The following CCDC171 variants were observed in gnomAD, a reference collection of about 807,000 sequenced individuals.
The protein encoded by CCDC171 is coiled-coil domain-containing protein 171.
A neutral mutation model predicts 168.2 loss-of-function variants in CCDC171; 177 were observed. The observed-to-expected ratio is 1.05, with a 90% CI of 0.93 to 1.19. The LOEUF is 1.19. Ranked by LOEUF, CCDC171 falls within the 50% of genes most tolerant of loss-of-function variation. The pLI, the probability that CCDC171 is intolerant of heterozygous loss-of-function variation, is 0.00. For synonymous variants in CCDC171, 687 were observed against 540.8 expected (o/e 1.27, Z -3.75); for missense variants, 1,991 against 1,539.0 (o/e 1.29, Z -4.91).
At chr9:15,657,055 G>C in intron 7 of CCDC171, 72 bp from the exon 8 acceptor site, 1 of 748,036 alleles carries the variant, frequency 1.3e-6, no homozygotes, top group Non-Finnish European at 2.1e-6. Flanking sequence ...TAATTATAAT[G>C]CTGGACTGTA....
chr9:15,621,911 A>C (rs1044810460), intron 6 of CCDC171, among the ~76,000 whole-genome samples: 1 of 152,240 alleles, frequency 6.6e-6, no homozygotes, highest in African/African-American at 2.4e-5. Context: ...CTAGATAAAG[A>C]AAATGTGATA....
intron 7 of CCDC171, among the ~76,000 whole-genome samples, chr9:15,656,155 T>TA (rs1355318648): frequency 6.6e-6 from 1 of 151,912 alleles, no homozygotes; most frequent in Non-Finnish European, 1.5e-5. Context: ...CCGTCTCTAC[T>TA]AAAAATATAA....
At chr9:15,651,970 T>C (rs1251110793) in intron 7 of CCDC171, among the ~76,000 whole-genome samples, 3 of 152,116 alleles carry the variant, frequency 2.0e-5, no homozygotes, top group Non-Finnish European at 4.4e-5. Context: ...TGCAGTGGCA[T>C]GATCTCAGCT....
At chr9:15,672,736 C>T (rs61608504) in intron 9 of CCDC171, among the ~76,000 whole-genome samples, 3,223 of 152,194 alleles carry the variant, frequency 0.021, 115 homozygotes, top group African/African-American at 0.074. Context: ...CAGTACCATG[C>T]TGTTTTGGTT....
At chr9:15,749,821 C>A (rs1588286147) in intron 18 of CCDC171, among the ~76,000 whole-genome samples, 1 of 152,166 alleles carries the variant, frequency 6.6e-6, no homozygotes, top group African/African-American at 2.4e-5. Context: ...ACATTTAAAG[C>A]AGTGTGTAGA....
At chr9:16,008,280 A>C (rs1832764808) in intron 3 of CCDC171, among the ~76,000 whole-genome samples, 1 of 152,070 alleles carries the variant, frequency 6.6e-6, no homozygotes, top group African/African-American at 2.4e-5. Context: ...GTTCAATTTC[A>C]ATCTTTTGCA....
intron 18 of CCDC171, among the ~76,000 whole-genome samples, chr9:15,759,560 A>G (rs1280806998): frequency 6.6e-6 from 1 of 152,154 alleles, no homozygotes; most frequent in Non-Finnish European, 1.5e-5. Context: ...TTTAGTCTCC[A>G]GTATGGAAGA....
intron 11 of CCDC171, among the ~76,000 whole-genome samples, chr9:15,700,403 G>T (rs1300999962): frequency 6.6e-6 from 1 of 152,172 alleles, no homozygotes; most frequent in Non-Finnish European, 1.5e-5. Context: ...GCGCAGCCCC[G>T]GTTCCCACTC....
intron 21 of CCDC171, among the ~76,000 whole-genome samples, chr9:15,802,523 C>G (rs1444581500): frequency 2.6e-5 from 4 of 152,068 alleles, no homozygotes; most frequent in Admixed American, 2.0e-4. Context: ...TTTTCTGTTC[C>G]TGTATTAGTT....
intron 8 of CCDC171, among the ~76,000 whole-genome samples, chr9:15,664,565 T>TAAACACACACAC (rs1423756698): frequency 4.0e-4 from 2 of 4,940 alleles, no homozygotes; most frequent in East Asian, 0.062. Context: ...CCCTTAAATT[T>TAAACACACACAC]ATACACACAC....
At chr9:15,647,321 C>G (rs2132678517) in intron 7 of CCDC171, among the ~76,000 whole-genome samples, 1 of 152,176 alleles carries the variant, frequency 6.6e-6, no homozygotes, top group Middle Eastern at 3.4e-3. Flanking sequence ...AATCAACACC[C>G]TAACATCACA....
At chr9:15,779,697 A>G (rs989023472) in intron 20 of CCDC171, among the ~76,000 whole-genome samples, 9 of 152,186 alleles carry the variant, frequency 5.9e-5, no homozygotes, top group Non-Finnish European at 1.2e-4. Context: ...AGTAAATTAG[A>G]TTATGTAGTA....
At chr9:15,586,334 G>A (rs77583221) in intron 4 of CCDC171, among the ~76,000 whole-genome samples, 1 of 152,216 alleles carries the variant, frequency 6.6e-6, no homozygotes, top group East Asian at 1.9e-4. Context: ...GAAATGTTGA[G>A]GGTAGTGTAA....
At chr9:15,810,990 C>A (rs533852086) in intron 21 of CCDC171, among the ~76,000 whole-genome samples, 2 of 152,246 alleles carry the variant, frequency 1.3e-5, no homozygotes, top group African/African-American at 4.8e-5. Flanking sequence ...TCACTAGTTT[C>A]ATGTGGCTAG....
At chr9:16,039,313 G>T (rs1833532803), upstream of CCDC171, among the ~76,000 whole-genome samples, 1 of 152,140 alleles carries the variant, frequency 6.6e-6, no homozygotes, top group Non-Finnish European at 1.5e-5. Context: ...TCAGGGAGGG[G>T]GTGATTTTGG....
intron 3 of CCDC171, among the ~76,000 whole-genome samples, chr9:15,987,848 A>AT (rs1832044361): frequency 6.6e-6 from 1 of 152,222 alleles, no homozygotes. Flanking sequence ...TTTATGTTTC[A>AT]TATATACCTT....
At chr9:15,585,793 C>G (rs1227476842) in intron 4 of CCDC171, among the ~76,000 whole-genome samples, 2 of 152,068 alleles carry the variant, frequency 1.3e-5, no homozygotes, top group East Asian at 3.9e-4. Context: ...TCCTGACCAA[C>G]ATAGTGAAAC....
At chr9:15,699,436 C>G (rs960329642) in intron 11 of CCDC171, among the ~76,000 whole-genome samples, 6 of 152,180 alleles carry the variant, frequency 3.9e-5, no homozygotes, top group African/African-American at 1.4e-4. Context: ...CGGGTTGCCA[C>G]TGCTGGCTTG....
chr9:16,036,687 A>G (rs1833476038), intron 8 of CCDC171, among the ~76,000 whole-genome samples: 1 of 152,224 alleles, frequency 6.6e-6, no homozygotes, highest in African/African-American at 2.4e-5. Flanking sequence ...TATCTTAACT[A>G]GCACCAAAAA....
Sources: allele counts gnomAD v4.1 joint callset (sites outside exome capture counted in the v4.1 genomes callset), GRCh38; gene constraint gnomAD v4.1.1; transcripts MANE v1.5; gene names NCBI Gene and HGNC (gene_info 2026-07-23, HGNC 2026-07-21).